Variants in CILK1 observed in about 807,000 individuals in gnomAD.
The protein encoded by CILK1 is serine/threonine-protein kinase ICK.
Under a neutral mutation model 79.2 loss-of-function variants are expected in CILK1, and 47 were observed. The ratio of observed to expected loss-of-function variants is 0.59; its 90% CI spans 0.47 to 0.76. The LOEUF is 0.76. Ranked by LOEUF, CILK1 falls within the 30% of genes least tolerant of loss-of-function variation. The pLI is 0.00. For synonymous variants in CILK1, 266 were observed against 275.9 expected (o/e 0.96, Z 0.36); for missense variants, 660 against 769.5 (o/e 0.86, Z 1.68).
rs1254268006 is a variant in CILK1, at chr6:53,041,280, G to A, written c.-44C>T. 1 of 1,405,734 alleles carries A rather than the reference G, an allele frequency of 7.1e-7. No homozygotes were observed. The highest frequency in any genetic ancestry group is 1.0e-6 in the Non-Finnish European group (1 of 994,510). 87.1% of individuals were successfully genotyped at this position (1,405,734 alleles called of 1,614,324 possible). Reference sequence around the variant, plus strand: ...GGACACTCATCTCACGGCCGAAGTGGTTCAGTTCTGCAGTGGTAGCAGTCC... The same window carrying A: ...GGACACTCATCTCACGGCCGAAGTGATTCAGTTCTGCAGTGGTAGCAGTCC... On this transcript the variant is annotated 5_prime_UTR_variant, in exon 2 of 14. Transcript: ENST00000676107.
rs1268726856 is a variant in CILK1 at position 53,004,044 on chromosome 6, A to G, written c.*1105T>C. 6.5e-6 allele frequency: 1 copy of G among 152,672 alleles called. No homozygotes were observed. Among genetic ancestry groups the G allele is most frequent in the Non-Finnish European group, 1.5e-5 (1 of 68,050 alleles). 9.5% of individuals were successfully genotyped at this position (152,672 alleles called of 1,614,324 possible). Reference sequence around the variant, plus strand: ...AATAAAGTTCTCACTCTTGAAAGAAACTACACCAGGGTTAGGAGATCAAAT... The same window carrying G: ...AATAAAGTTCTCACTCTTGAAAGAAGCTACACCAGGGTTAGGAGATCAAAT... On this transcript the variant is annotated 3_prime_UTR_variant, in exon 14 of 14. Coordinates refer to ENST00000676107, the MANE Select transcript of CILK1 (RefSeq NM_014920.5).
At chr6:53,015,022 C>T (rs1048117521) in intron 8 of CILK1, among the ~76,000 whole-genome samples, 6 of 152,180 alleles carry the variant, frequency 3.9e-5, no homozygotes, top group African/African-American at 7.2e-5. Flanking sequence ...CAAAGTCTTA[C>T]GGCACCAAAT....
At position 53,005,179 on chromosome 6, in the gene CILK1, G is replaced by C; in HGVS notation, c.1869C>G (p.Asp623Glu). ...GCCGAGATGCGTACTTGGAAGCCCA[G>C]TCTGTCCGGCCATGCACTGGCTGGG... Reference protein sequence around the residue: ...PAAQPVHGRTDWASKYASRR With the variant: ...PAAQPVHGRTEWASKYASRR Residue 623 changes from aspartate (D) to glutamate (E), a missense_variant, in exon 14 of 14, where the codon GAC becomes GAG. Transcript: ENST00000676107. 1 of 1,614,222 alleles carries C rather than the reference G, an allele frequency of 6.2e-7. No homozygotes were observed. Among genetic ancestry groups the C allele is most frequent in the Non-Finnish European group, 8.5e-7 (1 of 1,180,054 alleles).
chr6:53,025,058 C>A (rs1765487219), intron 5 of CILK1, among the ~76,000 whole-genome samples: 1 of 152,100 alleles, frequency 6.6e-6, no homozygotes, highest in South Asian at 2.1e-4. Flanking sequence ...GTCTCCAACT[C>A]CTGGCCTCAA....
chr6:53,013,404 T>C (rs1214645927), intron 9 of CILK1, among the ~76,000 whole-genome samples: 1 of 152,220 alleles, frequency 6.6e-6, no homozygotes, highest in Non-Finnish European at 1.5e-5. Flanking sequence ...CCCCTGGCAG[T>C]CTGGCTGCAG....
intron 11 of CILK1, among the ~76,000 whole-genome samples, chr6:53,010,972 A>G (rs952552133): frequency 6.6e-5 from 10 of 152,326 alleles, no homozygotes; most frequent in Non-Finnish European, 1.5e-4. Flanking sequence ...TGTTCACAAT[A>G]ATATTCGCAG....
intron 1 of CILK1, among the ~76,000 whole-genome samples, chr6:53,048,935 C>T (rs1767289999): frequency 6.6e-6 from 1 of 152,174 alleles, no homozygotes; most frequent in Non-Finnish European, 1.5e-5. Context: ...AAGGAATCTA[C>T]TCCCTAATAA....
chr6:53,054,883 C>T (rs1214086578), intron 1 of CILK1, among the ~76,000 whole-genome samples: 1 of 152,230 alleles, frequency 6.6e-6, no homozygotes, highest in Non-Finnish European at 1.5e-5. Context: ...TGGCCAGCAG[C>T]TCACATCAGG....
chr6:53,019,306 G>C lies in CILK1; in HGVS notation c.412C>G (p.Leu138Val). Residue 138 changes from leucine to valine, a missense_variant, in exon 6 of 14, where the codon CTT becomes GTT. Physicochemically the swap from Leu to Val is conservative, Grantham distance 32 (BLOSUM62 1). Coordinates refer to ENST00000676107, the MANE Select transcript of CILK1 (RefSeq NM_014920.5). The stretch of plus-strand genomic sequence containing the variant: ...AAACCAAAGTCTGCAATTTTCACAA[G>C]TTCTGGTCCCATGCAGAGGAGGTTC... ...PENLLCMGPE[L>V]VKIADFGLAR... 1 of 1,613,970 alleles carries C rather than the reference G, an allele frequency of 6.2e-7. No individual in the cohort carries two copies. The highest frequency in any genetic ancestry group is 8.5e-7 in the Non-Finnish European group (1 of 1,179,862).
At chr6:53,031,817 G>A (rs187944934) in intron 4 of CILK1, among the ~76,000 whole-genome samples, 2 of 152,270 alleles carry the variant, frequency 1.3e-5, no homozygotes, top group African/African-American at 2.4e-5. Flanking sequence ...TTAAGTCTGA[G>A]CTTCTTTGGA....
intron 3 of CILK1, 29 bp downstream of exon 3, chr6:53,037,910 A>T: frequency 7.8e-7 from 1 of 1,287,630 alleles, no homozygotes; most frequent in Non-Finnish European, 1.1e-6. Context: ...AATCATCCAT[A>T]AATTATTCCT....
In CILK1 at chr6:53,002,922, C is replaced by A. The variant is rs951875260; in HGVS notation, c.*2227G>T. On this transcript the variant is annotated 3_prime_UTR_variant, in exon 14 of 14. Transcript: ENST00000676107. ...TACTGAGACTATGGTATTAAACAATCCATTTGCTCCTCTAAGGAATATTTA... is the reference window on the plus strand; with the variant it reads ...TACTGAGACTATGGTATTAAACAATACATTTGCTCCTCTAAGGAATATTTA... 6.6e-6 allele frequency: 1 copy of A among 152,540 alleles called. No individual in the cohort carries two copies. The highest frequency in any genetic ancestry group is 2.4e-5 in the African/African-American group (1 of 41,430). 9.4% of individuals were successfully genotyped at this position (152,540 alleles called of 1,614,324 possible). A position where few individuals can be genotyped will look rare whatever the true frequency, so the allele number is the denominator to read the frequency against.
chr6:53,044,649 T>A (rs1283776753), intron 1 of CILK1, among the ~76,000 whole-genome samples: 2 of 152,076 alleles, frequency 1.3e-5, no homozygotes, highest in Non-Finnish European at 2.9e-5. Flanking sequence ...CTGAATGATA[T>A]CCCTCCTCCA....
At chr6:53,046,752 G>A (rs780882565) in intron 1 of CILK1, among the ~76,000 whole-genome samples, 1 of 152,182 alleles carries the variant, frequency 6.6e-6, no homozygotes, top group Non-Finnish European at 1.5e-5. Flanking sequence ...GCACATTATG[G>A]ATAAGGCTAG....
At chr6:53,039,007 C>A (rs77087182) in intron 2 of CILK1, among the ~76,000 whole-genome samples, 1,930 of 152,326 alleles carry the variant, frequency 0.013, 43 homozygotes, top group African/African-American at 0.043. Flanking sequence ...AGAAGGTACA[C>A]GACTTTCCCG....
intron 1 of CILK1, among the ~76,000 whole-genome samples, chr6:53,053,047 A>C (rs1657122036): frequency 1.3e-5 from 1 of 76,624 alleles, no homozygotes; most frequent in African/African-American, 3.7e-5. Context: ...ACAAAGTAAA[A>C]GCCTGAAAAA....
In CILK1 at chr6:53,013,739, C is replaced by T; in HGVS notation, c.1075G>A (p.Asp359Asn). Residue 359 changes from aspartate (D) to asparagine (N), a missense_variant, in exon 9 of 14, where the codon GAT (aspartate) becomes AAT (asparagine). By Grantham distance (23) the Asp-to-Asn change is conservative. Coordinates refer to ENST00000676107, the MANE Select transcript of CILK1 (RefSeq NM_014920.5). Reference sequence around the variant, plus strand: ...TCCTCCTGGAGATGGCTTGGGTGATCTGTCCTGGAGACCTCTGCTTTGTAG... The same window carrying T: ...TCCTCCTGGAGATGGCTTGGGTGATTTGTCCTGGAGACCTCTGCTTTGTAG... ...YPYKAEVSRTDHPSHLQEDKP... is the reference protein window; with the variant it reads ...YPYKAEVSRTNHPSHLQEDKP... 6.2e-7 allele frequency: 1 copy of T among 1,614,128 alleles called. No homozygotes were observed. The highest frequency in any genetic ancestry group is 1.1e-5 in the South Asian group (1 of 91,076).
intron 1 of CILK1, among the ~76,000 whole-genome samples, chr6:53,046,085 T>G (rs1374604653): frequency 2.0e-5 from 3 of 152,224 alleles, no homozygotes; most frequent in African/African-American, 7.2e-5. Flanking sequence ...AAAATGTCTA[T>G]GCACATGAAA....
At chr6:53,055,254 T>G (rs1254758602) in intron 1 of CILK1, among the ~76,000 whole-genome samples, 1 of 152,234 alleles carries the variant, frequency 6.6e-6, no homozygotes, top group Non-Finnish European at 1.5e-5. Flanking sequence ...ATAATTAGAC[T>G]TCGTATTCTA....
Sources: allele counts gnomAD v4.1 joint callset (sites outside exome capture counted in the v4.1 genomes callset), GRCh38; gene constraint gnomAD v4.1.1; transcripts MANE v1.5; gene names NCBI Gene and HGNC (gene_info 2026-07-23, HGNC 2026-07-21).